CAMK2D: variants seen among roughly 807,000 people sequenced by gnomAD.
CAMK2D encodes the protein calcium/calmodulin-dependent protein kinase type II subunit delta.
Under a neutral mutation model 84.0 loss-of-function variants are expected in CAMK2D, and 37 were observed. The ratio of observed to expected loss-of-function variants is 0.44; its 90% CI spans 0.34 to 0.58. CAMK2D has a LOEUF of 0.58. CAMK2D is among the 20% of genes least tolerant of loss of function. The pLI, the probability that CAMK2D is intolerant of heterozygous loss-of-function variation, is 0.02. For missense variants in CAMK2D, 448 were observed against 652.5 expected (o/e 0.69, Z 3.41); for synonymous variants, 202 against 212.5 (o/e 0.95, Z 0.43).
intron 2 of CAMK2D, among the ~76,000 whole-genome samples, chr4:113,708,306 G>T (rs1402752619): frequency 3.3e-5 from 5 of 152,256 alleles, no homozygotes; most frequent in South Asian, 2.1e-4. Flanking sequence ...AGGCTTCTAA[G>T]GTGTTTAGTA....
intron 16 of CAMK2D, among the ~76,000 whole-genome samples, chr4:113,483,183 T>C (rs1218172777): frequency 6.6e-6 from 1 of 152,226 alleles, no homozygotes; most frequent in Non-Finnish European, 1.5e-5. Context: ...AAGAGGATAC[T>C]ATAAAACTAA....
At position 113,659,074 on chromosome 4, in the gene CAMK2D, T is replaced by C. The variant is rs575283358; in HGVS notation, c.220+2639A>G. Among the ~76,000 whole-genome samples the C allele has an allele frequency of 5.1e-4, 77 of 152,344 alleles. 1 individual carries two copies. The highest frequency in any genetic ancestry group is 1.8e-3 in the African/African-American group (73 of 41,586). On this transcript the variant is annotated intron_variant, in intron 3 of 20. Transcript: ENST00000511664. Reference sequence around the variant, plus strand: ...TCTTTTTATAAGTTTAGTCTGTATGTAGTGTCAAAATGAAAAGAGTTCTTG... The same window carrying C: ...TCTTTTTATAAGTTTAGTCTGTATGCAGTGTCAAAATGAAAAGAGTTCTTG...
chr4:113,682,422 T>G (rs543985423), intron 2 of CAMK2D, among the ~76,000 whole-genome samples: 42 of 152,200 alleles, frequency 2.8e-4, no homozygotes, highest in Middle Eastern at 3.4e-3. Flanking sequence ...ATTTATTTTT[T>G]CAAATATCAG....
intron 2 of CAMK2D, among the ~76,000 whole-genome samples, chr4:113,692,869 T>C (rs1267846309): frequency 7.9e-5 from 12 of 152,136 alleles, no homozygotes; most frequent in Non-Finnish European, 1.5e-5. Context: ...CTTAGAACTA[T>C]TATCTTCATA....
At chr4:113,703,236 T>C (rs2099428517) in intron 2 of CAMK2D, among the ~76,000 whole-genome samples, 1 of 152,176 alleles carries the variant, frequency 6.6e-6, no homozygotes, top group Non-Finnish European at 1.5e-5. Context: ...TACAGATAGA[T>C]GATATAATAA....
At chr4:113,575,000 G>C (rs567532292) in intron 4 of CAMK2D, among the ~76,000 whole-genome samples, 1 of 152,140 alleles carries the variant, frequency 6.6e-6, no homozygotes, top group African/African-American at 2.4e-5. Flanking sequence ...CACAGCATCT[G>C]TGCACTCACT....
chr4:113,454,969 GAA>G, intron 20 of CAMK2D, among the ~76,000 whole-genome samples: 1 of 152,250 alleles, frequency 6.6e-6, no homozygotes, highest in East Asian at 1.9e-4. Flanking sequence ...ATATAGTCTC[GAA>G]AGTAGAGAGA....
At chr4:113,658,980 A>C (rs2099215253) in intron 3 of CAMK2D, among the ~76,000 whole-genome samples, 1 of 152,202 alleles carries the variant, frequency 6.6e-6, no homozygotes, top group Admixed American at 6.5e-5. Context: ...AAAGATGTAC[A>C]CTGTGTCAGA....
At chr4:113,533,901 AT>A (rs139980989) in intron 7 of CAMK2D, among the ~76,000 whole-genome samples, 2 of 151,894 alleles carry the variant, frequency 1.3e-5, no homozygotes, top group African/African-American at 4.8e-5. Flanking sequence ...AAAAATGATA[AT>A]TAAAAAAAAA....
rs1015751527 is a variant in CAMK2D, at chr4:113,543,750, AATCT to A, written c.414+3890_414+3893del. On this transcript the variant is annotated intron_variant, in intron 6 of 20. Transcript: ENST00000511664. Reference sequence around the variant, plus strand: ...TTACAGCACTCAGCTCTTCATAAAGAATCTATCTATCTATCAAGTTTATTTATTT... The same window carrying A: ...TTACAGCACTCAGCTCTTCATAAAGAATCTATCTATCAAGTTTATTTATTT... 1.8e-3 allele frequency among the ~76,000 whole-genome samples: 267 copies of A among 151,254 alleles called. 1 individual carries two copies. Among genetic ancestry groups the A allele is most frequent in the Middle Eastern group, 6.8e-3 (2 of 292 alleles).
chr4:113,546,705 C>T (rs2098577119), intron 6 of CAMK2D, among the ~76,000 whole-genome samples: 1 of 152,140 alleles, frequency 6.6e-6, no homozygotes, highest in Admixed American at 6.5e-5. Flanking sequence ...CTAGAAAATG[C>T]TGAGTTTGAA....
At chr4:113,713,587 T>A (rs1206980151) in intron 2 of CAMK2D, among the ~76,000 whole-genome samples, 3 of 149,778 alleles carry the variant, frequency 2.0e-5, no homozygotes, top group South Asian at 2.1e-4. Flanking sequence ...TAGCTGCCAA[T>A]CTAATGGATG....
chr4:113,648,576 G>A (rs1592463605), intron 3 of CAMK2D, among the ~76,000 whole-genome samples: 1 of 152,242 alleles, frequency 6.6e-6, no homozygotes, highest in East Asian at 1.9e-4. Flanking sequence ...GGTAAGAAGT[G>A]AGCTTTACTT....
intron 12 of CAMK2D, among the ~76,000 whole-genome samples, chr4:113,510,714 C>T (rs1032770412): frequency 7.9e-5 from 12 of 151,902 alleles, no homozygotes; most frequent in African/African-American, 7.3e-5. Context: ...AATTTGGCTT[C>T]GAAAGTGGAA....
chr4:113,664,708 A>G lies in CAMK2D; in HGVS notation c.161-2936T>C, dbSNP rs561772405. On this transcript the variant is annotated intron_variant, in intron 2 of 20. Coordinates refer to ENST00000511664, the MANE Select transcript of CAMK2D (RefSeq NM_001321571.2). Reference sequence around the variant, plus strand: ...ATGTTTTCCATATTCAATTGGTTAGAAAAAAAAACCTAGGCTGGCCCAATT... The same window carrying G: ...ATGTTTTCCATATTCAATTGGTTAGGAAAAAAAACCTAGGCTGGCCCAATT... 2.2e-4 allele frequency among the ~76,000 whole-genome samples: 33 copies of G among 151,822 alleles called. 1 individual carries two copies. In the South Asian group the frequency reaches 6.9e-3, roughly 32 times the overall value.
chr4:113,465,317 G>C (rs915890298), intron 17 of CAMK2D, among the ~76,000 whole-genome samples: 1 of 152,024 alleles, frequency 6.6e-6, no homozygotes, highest in Non-Finnish European at 1.5e-5. Flanking sequence ...ACAGGTGTGA[G>C]CCACTGTGCC....
intron 2 of CAMK2D, among the ~76,000 whole-genome samples, chr4:113,696,738 C>G (rs2099404009): frequency 6.6e-6 from 1 of 152,056 alleles, no homozygotes; most frequent in Non-Finnish European, 1.5e-5. Context: ...TTACTCAATC[C>G]TCACATAATT....
At chr4:113,629,599 G>A (rs1017376670) in intron 3 of CAMK2D, among the ~76,000 whole-genome samples, 5 of 151,806 alleles carry the variant, frequency 3.3e-5, no homozygotes, top group African/African-American at 7.3e-5. Context: ...TTTAGTGGTC[G>A]TTAAAGGGTC....
intron 4 of CAMK2D, 116 bp downstream of exon 4, chr4:113,609,036 A>T: frequency 1.7e-6 from 1 of 596,204 alleles, no homozygotes; most frequent in Non-Finnish European, 3.1e-6. Flanking sequence ...ATGTTACTTG[A>T]ACATTAAAAA....
Sources: gnomAD v4.1 joint callset for allele counts (sites outside exome capture counted in the v4.1 genomes callset) on GRCh38, gnomAD v4.1.1 for gene constraint, MANE v1.5 for transcripts, NCBI Gene and HGNC (gene_info 2026-07-23, HGNC 2026-07-21) for gene names.